Variants in AGBL4 observed in about 807,000 individuals in gnomAD.
AGBL4 encodes AGBL carboxypeptidase 4, also known as cytosolic carboxypeptidase 6.
Under a neutral mutation model 66.4 loss-of-function variants are expected in AGBL4, and 58 were observed. That is an observed-to-expected ratio of 0.87 (90% CI 0.71 to 1.09). The LOEUF is 1.09. Among genes scored for constraint, AGBL4 ranks in the 50% least tolerant of loss-of-function variants. The pLI is 0.00. For missense variants in AGBL4, 579 were observed against 631.0 expected (o/e 0.92, Z 0.88); for synonymous variants, 234 against 222.9 (o/e 1.05, Z -0.44).
At chr1:49,327,534 G>A (rs939769371) in intron 3 of AGBL4, among the ~76,000 whole-genome samples, 1 of 152,180 alleles carries the variant, frequency 6.6e-6, no homozygotes, top group Non-Finnish European at 1.5e-5. Context: ...GAATGGGGTT[G>A]GTGAGGGCTG....
intron 4 of AGBL4, among the ~76,000 whole-genome samples, chr1:49,235,499 G>A (rs777557229): frequency 2.0e-5 from 3 of 152,140 alleles, no homozygotes; most frequent in Non-Finnish European, 4.4e-5. Context: ...AAAGTGATTG[G>A]CCTGCAAATC....
intron 3 of AGBL4, among the ~76,000 whole-genome samples, chr1:49,524,010 C>T (rs907362930): frequency 6.6e-6 from 1 of 151,994 alleles, no homozygotes; most frequent in Admixed American, 6.6e-5. Flanking sequence ...CTAACAATTT[C>T]TTGAGTGCTT....
chr1:49,907,825 T>TTG (rs1650427736), intron 1 of AGBL4, among the ~76,000 whole-genome samples: 1 of 152,114 alleles, frequency 6.6e-6, no homozygotes, highest in Non-Finnish European at 1.5e-5. Flanking sequence ...AATGTGTCAA[T>TTG]GTAGGTTCAT....
chr1:49,739,627 A>G (rs1650243233), intron 2 of AGBL4, among the ~76,000 whole-genome samples: 1 of 152,288 alleles, frequency 6.6e-6, no homozygotes, highest in Non-Finnish European at 1.5e-5. Context: ...GTTGAAATGG[A>G]AAAAATGTTA....
chr1:49,681,682 C>G (rs1481159171), intron 3 of AGBL4, among the ~76,000 whole-genome samples: 1 of 152,150 alleles, frequency 6.6e-6, no homozygotes, highest in Non-Finnish European at 1.5e-5. Flanking sequence ...CTTTCTGGAG[C>G]CACAATTCCA....
chr1:48,958,768 A>C (rs12058700), intron 5 of AGBL4, among the ~76,000 whole-genome samples: 26,655 of 152,142 alleles, frequency 0.18, 4,632 homozygotes, highest in African/African-American at 0.45. Flanking sequence ...TGACCCCCTA[A>C]CTAGGTCTAG....
Position 49,673,404 on chromosome 1 carries a change from C to T in AGBL4, c.282+23909G>A, listed in dbSNP as rs186372101. The stretch of plus-strand genomic sequence containing the variant: ...AATTTTTGATAGCACAATAGGGTGA[C>T]TATAGTCAACAACAACTTAATTGTA... On this transcript the variant is annotated intron_variant, in intron 3 of 13. Coordinates refer to ENST00000371839, the MANE Select transcript of AGBL4 (RefSeq NM_032785.4). Among the ~76,000 whole-genome samples the T allele has an allele frequency of 5.3e-5, 8 of 152,184 alleles. No individual in the cohort carries two copies. In the East Asian group the frequency reaches 1.2e-3, roughly 22 times the overall value.
intron 4 of AGBL4, among the ~76,000 whole-genome samples, chr1:49,170,303 AAT>A (rs1185085707): frequency 4.8e-5 from 7 of 144,380 alleles, no homozygotes; most frequent in South Asian, 2.1e-4. Flanking sequence ...TATTCATATA[AAT>A]ATGTTATAAA....
chr1:48,858,083 T>C (rs1030506391), intron 6 of AGBL4, among the ~76,000 whole-genome samples: 6 of 152,178 alleles, frequency 3.9e-5, no homozygotes, highest in African/African-American at 1.4e-4. Context: ...AAAATACATT[T>C]GTTATCATTA....
chr1:48,631,432 TC>T (rs2148410645), intron 9 of AGBL4, among the ~76,000 whole-genome samples: 1 of 152,292 alleles, frequency 6.6e-6, no homozygotes, highest in South Asian at 2.1e-4. Context: ...GATCTGTCAC[TC>T]AGGCTGGAGT....
intron 3 of AGBL4, among the ~76,000 whole-genome samples, chr1:49,326,343 T>G (rs1322566138): frequency 6.6e-6 from 1 of 152,178 alleles, no homozygotes; most frequent in Non-Finnish European, 1.5e-5. Flanking sequence ...GTCATACCTA[T>G]TTTACTCTTG....
At chr1:48,789,719 G>A (rs140544841) in intron 6 of AGBL4, among the ~76,000 whole-genome samples, 12 of 152,264 alleles carry the variant, frequency 7.9e-5, no homozygotes, top group African/African-American at 2.9e-4. Context: ...GGAGACATAC[G>A]TTAAGCTCAC....
chr1:49,285,974 G>A (rs1644397698), intron 3 of AGBL4, among the ~76,000 whole-genome samples: 1 of 152,108 alleles, frequency 6.6e-6, no homozygotes, highest in Non-Finnish European at 1.5e-5. Context: ...TAAAATACGG[G>A]CAAAATGAAT....
At chr1:48,760,619 C>T (rs182473425) in intron 6 of AGBL4, among the ~76,000 whole-genome samples, 6 of 152,142 alleles carry the variant, frequency 3.9e-5, no homozygotes, top group Admixed American at 1.3e-4. Context: ...CAGGGCCAGG[C>T]GCATAGCAGG....
intron 1 of AGBL4, among the ~76,000 whole-genome samples, chr1:49,958,422 T>C (rs1656820151): frequency 6.6e-6 from 1 of 151,964 alleles, no homozygotes; most frequent in Non-Finnish European, 1.5e-5. Context: ...CTATTCACAA[T>C]AGCAAAGACT....
intron 9 of AGBL4, 113 bp from the exon 10 acceptor site, chr1:48,591,098 C>CCCCCCACA: frequency 1.5e-6 from 1 of 661,978 alleles, no homozygotes; most frequent in Non-Finnish European, 2.3e-6. Context: ...CCACCCCCCC[C>CCCCCCACA]CACACACACA....
At chr1:49,745,012 G>A (rs1650873184) in intron 2 of AGBL4, among the ~76,000 whole-genome samples, 1 of 151,874 alleles carries the variant, frequency 6.6e-6, no homozygotes, top group Non-Finnish European at 1.5e-5. Flanking sequence ...AAAGACATAA[G>A]ATATACAGAA....
intron 2 of AGBL4, among the ~76,000 whole-genome samples, chr1:49,800,949 C>G (rs1312654354): frequency 6.8e-6 from 1 of 146,598 alleles, no homozygotes; most frequent in Admixed American, 6.9e-5. Context: ...ACACTGACTT[C>G]CACAATGGTT....
chr1:48,528,138 TA>T, downstream of AGBL4, among the ~76,000 whole-genome samples: 1 of 152,278 alleles, frequency 6.6e-6, no homozygotes, highest in Non-Finnish European at 1.5e-5. Flanking sequence ...AAATGATTTA[TA>T]AGATGATTAG....
Sources: gnomAD v4.1 joint callset for allele counts (sites outside exome capture counted in the v4.1 genomes callset) on GRCh38, gnomAD v4.1.1 for gene constraint, MANE v1.5 for transcripts, NCBI Gene and HGNC (gene_info 2026-07-23, HGNC 2026-07-21) for gene names.